NRXN1: variants seen among roughly 807,000 people sequenced by gnomAD.
NRXN1 encodes neurexin 1, also known as neurexin-1.
Under a neutral mutation model 150.9 loss-of-function variants are expected in NRXN1, and 39 were observed. The ratio of observed to expected loss-of-function variants is 0.26; its 90% confidence interval spans 0.20 to 0.34. The LOEUF (loss-of-function observed/expected upper bound fraction) is 0.34. Among genes scored for constraint, NRXN1 ranks in the 10% least tolerant of loss-of-function variants. NRXN1 has a pLI of 1.00. For missense variants in NRXN1, 1,815 were observed against 1,949.9 expected (o/e 0.93, Z 1.30); for synonymous variants, 924 against 757.0 (o/e 1.22, Z -3.62).
chr2:50,702,097 T>C (rs921431591), intron 5 of NRXN1, among the ~76,000 whole-genome samples: 3 of 152,096 alleles, frequency 2.0e-5, no homozygotes. Context: ...CTACAGGTAT[T>C]CGAAGGAAAA....
chr2:50,770,765 C>A (rs1245352515), intron 5 of NRXN1, among the ~76,000 whole-genome samples: 3 of 151,838 alleles, frequency 2.0e-5, no homozygotes, highest in Non-Finnish European at 4.4e-5. Context: ...CATTCCAGGG[C>A]CACAGGGATT....
intron 18 of NRXN1, among the ~76,000 whole-genome samples, chr2:50,173,514 GC>G (rs1162113464): frequency 1.3e-5 from 2 of 152,086 alleles, no homozygotes; most frequent in Non-Finnish European, 2.9e-5. Flanking sequence ...CGTTCATTCA[GC>G]CCACAAGAAA....
intron 22 of NRXN1, among the ~76,000 whole-genome samples, chr2:49,927,877 T>C (rs1669382430): frequency 6.6e-6 from 1 of 152,156 alleles, no homozygotes; most frequent in Non-Finnish European, 1.5e-5. Context: ...TATATATATA[T>C]TTTGGTTCCA....
chr2:50,491,451 C>T (rs1001805328), intron 15 of NRXN1, among the ~76,000 whole-genome samples: 8 of 152,126 alleles, frequency 5.3e-5, no homozygotes, highest in Admixed American at 5.2e-4. Flanking sequence ...GGCTTCGTAG[C>T]AGGATGAACA....
At chr2:50,894,239 TAATAATA>T (rs961819041) in intron 5 of NRXN1, among the ~76,000 whole-genome samples, 1 of 117,514 alleles carries the variant, frequency 8.5e-6, no homozygotes, top group Non-Finnish European at 1.8e-5. Flanking sequence ...TAAAGTATAA[TAATAATA>T]AATAAATAAA....
chr2:50,624,667 C>T (rs1300916102), intron 5 of NRXN1: 2 of 152,012 alleles, frequency 1.3e-5, no homozygotes, highest in Non-Finnish European at 2.9e-5. Context: ...ATGGAGTCAG[C>T]TGGATTACTG....
intron 18 of NRXN1, among the ~76,000 whole-genome samples, chr2:50,189,205 T>C (rs1056630185): frequency 1.1e-4 from 16 of 152,288 alleles, no homozygotes; most frequent in Non-Finnish European, 1.5e-4. Context: ...AATTACTTCA[T>C]GTCCTTTCCA....
chr2:50,120,505 T>C (rs1482536758), intron 18 of NRXN1, among the ~76,000 whole-genome samples: 1 of 152,184 alleles, frequency 6.6e-6, no homozygotes, highest in Non-Finnish European at 1.5e-5. Flanking sequence ...TTTTTAAAAA[T>C]AATTACTTTT....
chr2:50,461,522 T>G (rs1208779505), intron 17 of NRXN1, among the ~76,000 whole-genome samples: 1 of 151,976 alleles, frequency 6.6e-6, no homozygotes, highest in African/African-American at 2.4e-5. Flanking sequence ...TCCGGACCAC[T>G]GGGTAAAAGG....
At chr2:50,749,567 T>C (rs547098772) in intron 5 of NRXN1, among the ~76,000 whole-genome samples, 1 of 152,178 alleles carries the variant, frequency 6.6e-6, no homozygotes, top group African/African-American at 2.4e-5. Flanking sequence ...TAAAGCATTA[T>C]TGCATCAAAT....
At chr2:50,491,593 G>A (rs1235225572) in intron 15 of NRXN1, among the ~76,000 whole-genome samples, 1 of 152,146 alleles carries the variant, frequency 6.6e-6, no homozygotes, top group African/African-American at 2.4e-5. Flanking sequence ...CAATGCCAGA[G>A]CTCAAAATCC....
intron 5 of NRXN1, among the ~76,000 whole-genome samples, chr2:50,743,487 T>C (rs2105286636): frequency 6.6e-6 from 1 of 152,250 alleles, no homozygotes; most frequent in East Asian, 1.9e-4. Flanking sequence ...GGAGAATATC[T>C]GAAGAAAGGG....
intron 13 of NRXN1, among the ~76,000 whole-genome samples, chr2:50,505,354 T>C (rs2092167087): frequency 6.6e-6 from 1 of 152,204 alleles, no homozygotes. Flanking sequence ...GTGTGTCCTA[T>C]CTACTTCATA....
chr2:50,339,324 A>C (rs867862005), intron 17 of NRXN1, among the ~76,000 whole-genome samples: 7 of 151,128 alleles, frequency 4.6e-5, no homozygotes, highest in African/African-American at 1.5e-4. Context: ...GAACATTTAA[A>C]AGTTCACAAC....
intron 21 of NRXN1, among the ~76,000 whole-genome samples, chr2:50,002,385 T>A (rs1296194602): frequency 6.6e-6 from 1 of 152,144 alleles, no homozygotes; most frequent in Non-Finnish European, 1.5e-5. Flanking sequence ...GAGTCTATCA[T>A]TGTAAAGTAC....
intron 17 of NRXN1, among the ~76,000 whole-genome samples, chr2:50,363,541 A>G (rs960812334): frequency 6.6e-6 from 1 of 152,238 alleles, no homozygotes; most frequent in African/African-American, 2.4e-5. Context: ...TCACAATGAG[A>G]TACCATCTCA....
chr2:49,928,683 C>T (rs1669572591), intron 22 of NRXN1, among the ~76,000 whole-genome samples: 1 of 151,944 alleles, frequency 6.6e-6, no homozygotes, highest in South Asian at 2.1e-4. Flanking sequence ...ACAGTGTAGG[C>T]CAGAAGAAAC....
At chr2:50,947,603 T>A (rs1446935400) in intron 2 of NRXN1, among the ~76,000 whole-genome samples, 1 of 151,950 alleles carries the variant, frequency 6.6e-6, no homozygotes, top group African/African-American at 2.4e-5. Flanking sequence ...AGAGCTTAGA[T>A]TATATTCTAA....
intron 8 of NRXN1, among the ~76,000 whole-genome samples, chr2:50,554,816 A>T (rs1474201290): frequency 2.0e-5 from 3 of 152,148 alleles, no homozygotes; most frequent in African/African-American, 7.2e-5. Context: ...TTTATCTTGG[A>T]GAAGGATTAT....
Sources: allele counts gnomAD v4.1 joint callset (sites outside exome capture counted in the v4.1 genomes callset), GRCh38; gene constraint gnomAD v4.1.1; transcripts MANE v1.5; gene names NCBI Gene and HGNC (gene_info 2026-07-23, HGNC 2026-07-21).